DENND4C: variants seen among roughly 807,000 people sequenced by gnomAD.
DENND4C encodes the protein DENN domain-containing protein 4C.
DENND4C carries 108 observed loss-of-function variants against 203.0 expected under a neutral mutation model. The observed-to-expected ratio is 0.53, with a 90% confidence interval of 0.46 to 0.62. DENND4C has a LOEUF of 0.62. DENND4C is among the 20% of genes least tolerant of loss of function. The pLI, the probability that DENND4C is intolerant of heterozygous loss-of-function variation, is 0.00. For synonymous variants in DENND4C, 871 were observed against 792.4 expected (o/e 1.10, Z -1.67); for missense variants, 2,481 against 2,301.2 (o/e 1.08, Z -1.60).
chr9:19,330,016 G>A (rs538169528), intron 16 of DENND4C, among the ~76,000 whole-genome samples: 158 of 152,160 alleles, frequency 1.0e-3, no homozygotes, highest in African/African-American at 3.6e-3. Flanking sequence ...CTAATTTATG[G>A]GATAGTCCCC....
chr9:19,354,121 C>G (rs1295683082), intron 26 of DENND4C, among the ~76,000 whole-genome samples: 3 of 152,122 alleles, frequency 2.0e-5, no homozygotes, highest in Admixed American at 1.3e-4. Context: ...TTTTATTGCT[C>G]TATTTTAAAT....
intron 10 of DENND4C, among the ~76,000 whole-genome samples, chr9:19,313,454 G>A (rs1729278239): frequency 6.6e-6 from 1 of 152,140 alleles, no homozygotes. Context: ...GATAGTAAAC[G>A]TCAGGGCCAG....
intron 15 of DENND4C, 95 bp from the exon 16 acceptor site, chr9:19,327,935 C>A: frequency 8.6e-7 from 1 of 1,164,948 alleles, no homozygotes; most frequent in Non-Finnish European, 1.2e-6. Context: ...ATGTTGGATA[C>A]TATTTGAAGT....
At chr9:19,285,704 A>G (rs773853604) in intron 2 of DENND4C, among the ~76,000 whole-genome samples, 6 of 151,674 alleles carry the variant, frequency 4.0e-5, no homozygotes, top group Non-Finnish European at 8.8e-5. Flanking sequence ...TAGTTCTTAC[A>G]TTGATTTTGA....
intron 7 of DENND4C, among the ~76,000 whole-genome samples, 174 bp downstream of exon 7, chr9:19,298,296 T>C (rs984292605): frequency 6.6e-6 from 1 of 152,136 alleles, no homozygotes; most frequent in African/African-American, 2.4e-5. Flanking sequence ...GGTTTTGGAT[T>C]TGAGTGTACT....
At chr9:19,352,205 A>G (rs765247880) in intron 25 of DENND4C, 23 bp downstream of exon 25, 2 of 1,584,914 alleles carry the variant, frequency 1.3e-6, no homozygotes, top group Non-Finnish European at 1.7e-6. Context: ...TATTCAGTTC[A>G]TGATAAAGTA....
At position 19,342,778 on chromosome 9, in the gene DENND4C, T is replaced by G; in HGVS notation, c.3150T>G (p.Thr1050=). The G allele has an allele frequency of 6.3e-7, 1 of 1,593,872 alleles. No individual in the cohort carries two copies. The highest frequency in any genetic ancestry group is 8.5e-7 in the Non-Finnish European group (1 of 1,172,470). Reference sequence around the variant, plus strand: ...ATGTCAACAGCAGGAAAAGTAGCACTGGTGAGTCTTTACATTTTGGTTATT... The same window carrying G: ...ATGTCAACAGCAGGAAAAGTAGCACGGGTGAGTCTTTACATTTTGGTTATT... ...IFDVNSRKSS[T]GSISNVLFST... The change falls in exon 22 of 33, where the codon ACT becomes ACG. Residue 1050 remains threonine (T), a splice_region_variant and synonymous_variant. Transcript: ENST00000434457.
intron 18 of DENND4C, 107 bp from the exon 19 acceptor site, chr9:19,336,163 A>T (rs1027949628): frequency 1.1e-6 from 1 of 943,898 alleles, no homozygotes; most frequent in African/African-American, 2.4e-5. Flanking sequence ...ATAACTTTTT[A>T]TATTTGTGTA....
intron 30 of DENND4C, among the ~76,000 whole-genome samples, chr9:19,369,514 T>G (rs934795172): frequency 3.3e-5 from 5 of 151,966 alleles, no homozygotes; most frequent in South Asian, 4.2e-4. Flanking sequence ...CAGTGGCTCA[T>G]GCCTGTAACC....
chr9:19,295,669 CAA>C (rs1173472125), intron 5 of DENND4C, among the ~76,000 whole-genome samples: 18 of 72,622 alleles, frequency 2.5e-4, no homozygotes, highest in Non-Finnish European at 3.2e-4. Flanking sequence ...GACTCCATCT[CAA>C]AAAAAAAAAA....
chr9:19,277,751 C>T (rs989572417), intron 2 of DENND4C, among the ~76,000 whole-genome samples: 17 of 152,064 alleles, frequency 1.1e-4, no homozygotes, highest in African/African-American at 4.1e-4. Flanking sequence ...AGGTGGAAAG[C>T]TTTCAGTCTT....
chr9:19,332,243 A>C lies in DENND4C; in HGVS notation c.2460+59A>C, dbSNP rs540649915. 7.7e-4 allele frequency: 1,166 copies of C among 1,519,944 alleles called. 16 individuals are homozygous for C. In the South Asian group the frequency reaches 0.011, roughly 14 times the overall value. 94.2% of individuals were successfully genotyped at this position (1,519,944 alleles called of 1,614,324 possible). A position where few individuals can be genotyped will look rare whatever the true frequency, so the allele number is the denominator to read the frequency against. On this transcript the variant is annotated intron_variant, in intron 17 of 32. Coordinates refer to ENST00000434457, the MANE Select transcript of DENND4C (RefSeq NM_001330640.2). ...AAATTTTATTTTTGTACTTCTAATA[A>C]AATTTGGGTGTAAGTTGCTTTAAAG...
At chr9:19,296,784 T>C (rs745496580) in intron 6 of DENND4C, among the ~76,000 whole-genome samples, 1 of 152,210 alleles carries the variant, frequency 6.6e-6, no homozygotes, top group South Asian at 2.1e-4. Context: ...GTGAGTGTTC[T>C]TCTTCCTATT....
At chr9:19,252,904 T>A (rs1326708253) in intron 1 of DENND4C, among the ~76,000 whole-genome samples, 1 of 152,050 alleles carries the variant, frequency 6.6e-6, no homozygotes, top group Non-Finnish European at 1.5e-5. Context: ...CCTGGCTAAT[T>A]TTTTGTATTT....
chr9:19,349,416 A>C (rs909334312), intron 23 of DENND4C, among the ~76,000 whole-genome samples: 1 of 152,148 alleles, frequency 6.6e-6, no homozygotes, highest in South Asian at 2.1e-4. Context: ...TTGCCTCCCC[A>C]AAAATTATCT....
At chr9:19,303,717 G>A (rs971297737) in intron 9 of DENND4C, among the ~76,000 whole-genome samples, 3 of 152,142 alleles carry the variant, frequency 2.0e-5, no homozygotes, top group Non-Finnish European at 4.4e-5. Context: ...GGTAGTAAGC[G>A]TTATAGGCAT....
chr9:19,270,425 A>G (rs1239189855), intron 1 of DENND4C, among the ~76,000 whole-genome samples: 1 of 152,118 alleles, frequency 6.6e-6, no homozygotes, highest in Non-Finnish European at 1.5e-5. Context: ...GGAGTTGGGA[A>G]CTTTAGGAAT....
At position 19,362,135 on chromosome 9, in the gene DENND4C, G is replaced by A. The variant is rs1588989210; in HGVS notation, c.5524+172G>A. 5.9e-5 allele frequency among the ~76,000 whole-genome samples: 9 copies of A among 152,234 alleles called. 2 individuals are homozygous for A. Among genetic ancestry groups the A allele is most frequent in the Admixed American group, 5.9e-4 (9 of 15,272 alleles). ...TTAAAAATACAAAACTTAGCCAGGT[G>A]TGGTAGCAGGTGCCTGTAGTCCCAG... is the stretch of plus-strand genomic sequence containing the variant. On this transcript the variant is annotated intron_variant, in intron 30 of 32. Coordinates refer to ENST00000434457, the MANE Select transcript of DENND4C (RefSeq NM_001330640.2).
intron 30 of DENND4C, among the ~76,000 whole-genome samples, chr9:19,367,003 T>G (rs1563847650): frequency 1.3e-5 from 2 of 152,156 alleles, no homozygotes; most frequent in African/African-American, 4.8e-5. Flanking sequence ...AACTCAGTAA[T>G]AAAAAGGCAA....
Sources: gnomAD v4.1 joint callset for allele counts (sites outside exome capture counted in the v4.1 genomes callset) on GRCh38, gnomAD v4.1.1 for gene constraint, MANE v1.5 for transcripts, NCBI Gene and HGNC (gene_info 2026-07-23, HGNC 2026-07-21) for gene names.